Variants in PRDM2 observed in about 807,000 individuals in gnomAD.
PRDM2 encodes the protein PR domain zinc finger protein 2.
PRDM2 carries 30 observed loss-of-function variants against 130.0 expected under a neutral mutation model. The observed-to-expected ratio is 0.23, with a 90% CI of 0.17 to 0.31. PRDM2 has a LOEUF of 0.31. Among genes scored for constraint, PRDM2 ranks in the 10% least tolerant of loss-of-function variants. PRDM2 has a pLI of 1.00. For missense variants in PRDM2, 2,011 were observed against 2,108.4 expected (o/e 0.95, Z 0.90); for synonymous variants, 871 against 782.4 (o/e 1.11, Z -1.89).
chr1:13,753,204 T>C (rs1643879163), intron 6 of PRDM2, among the ~76,000 whole-genome samples: 1 of 152,114 alleles, frequency 6.6e-6, no homozygotes, highest in Admixed American at 6.5e-5. Context: ...GAGAGAAGAG[T>C]TTATAGCGGC....
chr1:13,706,032 A>G (rs1411469007), intron 1 of PRDM2, among the ~76,000 whole-genome samples: 1 of 150,458 alleles, frequency 6.6e-6, no homozygotes, highest in Non-Finnish European at 1.5e-5. Flanking sequence ...TTACTTAAAT[A>G]TTGTCCCTAC....
intron 8 of PRDM2, chr1:13,788,109 T>C (rs1403912548): frequency 1.0e-6 from 1 of 959,348 alleles, no homozygotes; most frequent in Non-Finnish European, 1.2e-6. Context: ...TTGTACATAA[T>C]TGGGAGCAGT....
At chr1:13,749,828 C>G (rs1218418356) in intron 6 of PRDM2, among the ~76,000 whole-genome samples, 12 of 152,108 alleles carry the variant, frequency 7.9e-5, no homozygotes, top group South Asian at 2.1e-4. Context: ...GACGTTCCCC[C>G]GCTGGCACCC....
chr1:13,745,232 A>G (rs927299964), intron 5 of PRDM2, among the ~76,000 whole-genome samples: 1 of 152,148 alleles, frequency 6.6e-6, no homozygotes, highest in African/African-American at 2.4e-5. Flanking sequence ...AGACAGGGAA[A>G]TGTGATAGAG....
intron 6 of PRDM2, among the ~76,000 whole-genome samples, chr1:13,772,794 C>T (rs1048838977): frequency 3.3e-5 from 5 of 152,120 alleles, no homozygotes; most frequent in Non-Finnish European, 5.9e-5. Context: ...ATTTGATAGT[C>T]ATTATAGCTA....
At chr1:13,751,926 C>T (rs1643856945) in intron 6 of PRDM2, among the ~76,000 whole-genome samples, 1 of 151,874 alleles carries the variant, frequency 6.6e-6, no homozygotes, top group Admixed American at 6.6e-5. Flanking sequence ...AAAGTAGTGG[C>T]CCCTTCTCTC....
intron 4 of PRDM2, among the ~76,000 whole-genome samples, chr1:13,735,152 G>A (rs917468746): frequency 6.6e-6 from 1 of 152,192 alleles, no homozygotes; most frequent in Non-Finnish European, 1.5e-5. Context: ...AAGACAAAGT[G>A]TTAAATTGCT....
chr1:13,717,413 C>T (rs1007937370), intron 2 of PRDM2: 6 of 985,160 alleles, frequency 6.1e-6, no homozygotes, highest in East Asian at 1.1e-4. Context: ...CTTGATCCTG[C>T]GTTAGAATGG....
chr1:13,818,545 A>ATTTTTTT (rs60773281), intron 9 of PRDM2, among the ~76,000 whole-genome samples: 2 of 143,572 alleles, frequency 1.4e-5, no homozygotes, highest in African/African-American at 2.6e-5. Context: ...CTCCTGGCTA[A>ATTTTTTT]TTTTTTTTTT....
intron 1 of PRDM2, among the ~76,000 whole-genome samples, chr1:13,709,389 T>G (rs1396559087): frequency 6.6e-6 from 1 of 152,230 alleles, no homozygotes; most frequent in South Asian, 2.1e-4. Flanking sequence ...TAGTTTTCTA[T>G]GACAATGAAT....
At chr1:13,773,241 A>C in intron 7 of PRDM2, 53 bp downstream of exon 7, 1 of 1,080,038 alleles carries the variant, frequency 9.3e-7, no homozygotes, top group Non-Finnish European at 1.3e-6. Flanking sequence ...TACCCAGTGA[A>C]TTTAACTTTG....
chr1:13,707,041 G>A (rs1642231663), intron 1 of PRDM2, among the ~76,000 whole-genome samples: 1 of 151,850 alleles, frequency 6.6e-6, no homozygotes, highest in Non-Finnish European at 1.5e-5. Flanking sequence ...AAGTGTGCCT[G>A]ACACCGTAGC....
intron 1 of PRDM2, among the ~76,000 whole-genome samples, chr1:13,713,484 C>A (rs1642434433): frequency 6.6e-6 from 1 of 152,172 alleles, no homozygotes; most frequent in Non-Finnish European, 1.5e-5. Flanking sequence ...CAGCACAGTG[C>A]CTGCAAGTCC....
chr1:13,760,534 G>A (rs1481082463), intron 6 of PRDM2, among the ~76,000 whole-genome samples: 2 of 152,180 alleles, frequency 1.3e-5, no homozygotes, highest in Non-Finnish European at 2.9e-5. Flanking sequence ...TGAGTGTTAG[G>A]AGATGTGCAG....
At chr1:13,776,682 A>C (rs1644482279) in intron 7 of PRDM2, among the ~76,000 whole-genome samples, 1 of 152,208 alleles carries the variant, frequency 6.6e-6, no homozygotes, top group Non-Finnish European at 1.5e-5. Flanking sequence ...TTCCATTCTC[A>C]GTCCTCATTT....
At position 13,779,893 on chromosome 1, in the gene PRDM2, A is replaced by C; in HGVS notation, c.2098A>C (p.Lys700Gln). ...CAAACAACTTCTTCAAACCCAAGATAAACTAACTCCTGCAGGGATTTCAGC... is the reference window on the plus strand; with the variant it reads ...CAAACAACTTCTTCAAACCCAAGATCAACTAACTCCTGCAGGGATTTCAGC... ...KLKQLLQTQD[K>Q]LTPAGISATE... Residue 700 changes from lysine to glutamine, a missense_variant, in exon 8 of 10, where the codon AAA becomes CAA. Lys to Gln is a moderately conservative substitution (Grantham distance 53, BLOSUM62 1). Transcript: ENST00000311066. The surrounding 1 kb of genome is among the most constrained non-coding windows in gnomAD (Gnocchi z 4.9). The C allele has an allele frequency of 6.4e-7, 1 of 1,572,004 alleles. No individual in the cohort carries two copies. The highest frequency in any genetic ancestry group is 8.6e-7 in the Non-Finnish European group (1 of 1,165,508).
intron 1 of PRDM2, among the ~76,000 whole-genome samples, chr1:13,705,980 T>TC (rs1642198119): frequency 1.4e-5 from 1 of 71,172 alleles, no homozygotes; most frequent in South Asian, 4.8e-4. Flanking sequence ...AGACTCCGTC[T>TC]CAAAAAAAAA....
intron 4 of PRDM2, among the ~76,000 whole-genome samples, chr1:13,736,130 T>G (rs1442502662): frequency 6.6e-6 from 1 of 151,378 alleles, no homozygotes; most frequent in East Asian, 1.9e-4. Context: ...TTTTTTTTTT[T>G]TGAGACAAGG....
intron 8 of PRDM2, among the ~76,000 whole-genome samples, chr1:13,809,581 C>T (rs1395713490): frequency 1.3e-5 from 2 of 152,052 alleles, no homozygotes; most frequent in African/African-American, 4.8e-5. Context: ...TCTAGATGTC[C>T]AAGAGATGTC....
Sources: allele counts gnomAD v4.1 joint callset (sites outside exome capture counted in the v4.1 genomes callset), GRCh38; gene constraint gnomAD v4.1.1; non-coding constraint Gnocchi (gnomAD v3.1); transcripts MANE v1.5; gene names NCBI Gene and HGNC (gene_info 2026-07-23, HGNC 2026-07-21).